The following CELF2 variants were observed in gnomAD, a reference collection of about 807,000 sequenced individuals.
CELF2 encodes the protein CUGBP Elav-like family member 2, also known as CUG triplet repeat RNA-binding protein 2.
Under a neutral mutation model 62.6 loss-of-function variants are expected in CELF2, and 8 were observed. That is an observed-to-expected ratio of 0.13 (90% CI 0.07 to 0.23). The LOEUF is 0.23. Ranked by LOEUF, CELF2 falls within the 10% of genes least tolerant of loss-of-function variation. The pLI is 1.00. For missense variants in CELF2, 333 were observed against 671.0 expected (o/e 0.50, Z 5.56); for synonymous variants, 258 against 250.0 (o/e 1.03, Z -0.30).
chr10:10,505,814 A>G, the CELF2 span, among the ~76,000 whole-genome samples: 1 of 152,212 alleles, frequency 6.6e-6, no homozygotes, highest in Non-Finnish European at 1.5e-5. Context: ...GGTAGGGTAA[A>G]GAGAATAAAC....
At chr10:11,002,750 T>C (rs1253138114), upstream of CELF2, among the ~76,000 whole-genome samples, 2 of 152,170 alleles carry the variant, frequency 1.3e-5, no homozygotes, top group Non-Finnish European at 2.9e-5. This position sits in a 1 kb window ranked among gnomAD's most constrained non-coding sequence, Gnocchi z 4.4. Context: ...GAAAGGAATA[T>C]CTCAGTGTAG....
chr10:10,819,227 T>G (rs1403678158), intron 1 of CELF2, among the ~76,000 whole-genome samples: 1 of 152,146 alleles, frequency 6.6e-6, no homozygotes, highest in Non-Finnish European at 1.5e-5. Context: ...TTTAATGGGG[T>G]TTTAGTTACA....
At chr10:10,488,841 G>T in the CELF2 span, among the ~76,000 whole-genome samples, 1 of 151,984 alleles carries the variant, frequency 6.6e-6, no homozygotes, top group Non-Finnish European at 1.5e-5. Context: ...TTCAAGGTTT[G>T]AAAAACCGTA....
At chr10:10,621,625 G>C in the CELF2 span, among the ~76,000 whole-genome samples, 2 of 152,180 alleles carry the variant, frequency 1.3e-5, no homozygotes, top group Admixed American at 1.3e-4. Context: ...AGACATTCAG[G>C]AAACAGGAAT....
At chr10:10,666,177 C>A in the CELF2 span, among the ~76,000 whole-genome samples, 4 of 152,294 alleles carry the variant, frequency 2.6e-5, no homozygotes, top group East Asian at 7.7e-4. Context: ...ATTCATTGCT[C>A]CCCATAATTT....
chr10:11,128,470 T>C (rs1564854434), intron 1 of CELF2, among the ~76,000 whole-genome samples: 1 of 152,236 alleles, frequency 6.6e-6, no homozygotes, highest in African/African-American at 2.4e-5. Context: ...CCTTGGGCAG[T>C]ATGGCCATTT....
intron 1 of CELF2, among the ~76,000 whole-genome samples, chr10:11,135,852 G>A (rs1356798567): frequency 6.6e-6 from 1 of 152,180 alleles, no homozygotes; most frequent in East Asian, 1.9e-4. Context: ...TATGGCCTGG[G>A]CGGTGGTGGG....
intron 2 of CELF2, among the ~76,000 whole-genome samples, chr10:10,973,042 C>A (rs2050920636): frequency 6.6e-6 from 1 of 152,180 alleles, no homozygotes; most frequent in Admixed American, 6.5e-5. Flanking sequence ...GTAATCTCAG[C>A]ACTTTGGGAG....
chr10:11,314,592 T>TA lies in CELF2; in HGVS notation c.1096+335dup, dbSNP rs1333074985. 13 of 371,564 alleles carry TA rather than the reference T, an allele frequency of 3.5e-5. No individual in the cohort carries two copies. The Admixed American group carries it at 4.2e-4, about 12-fold the overall frequency. 23.0% of individuals were successfully genotyped at this position (371,564 alleles called of 1,614,324 possible). A position where few individuals can be genotyped will look rare whatever the true frequency, so the allele number is the denominator to read the frequency against. On this transcript the variant is annotated intron_variant, in intron 10 of 12. Coordinates refer to ENST00000633077, the MANE Select transcript of CELF2 (RefSeq NM_001326342.2). This position sits in a 1 kb window ranked among gnomAD's most constrained non-coding sequence, Gnocchi z 5.3. ...GGTTCTGTCCTGCGAGGCAGGGTGT[T>TA]ACGGTGGGAAAAGTTAATGGACTGG...
At chr10:10,919,970 G>T (rs190253214) in exon 2 of CELF2, 202 of 1,231,342 alleles carry the variant, frequency 1.6e-4, no homozygotes, top group Non-Finnish European at 1.9e-4. Flanking sequence ...GCAGAGAGAC[G>T]GCCACAGAGT....
intron 2 of CELF2, among the ~76,000 whole-genome samples, chr10:11,209,567 CTTT>C (rs113589265): frequency 2.2e-5 from 3 of 135,018 alleles, no homozygotes; most frequent in African/African-American, 8.2e-5. Context: ...AAGGACTACT[CTTT>C]TTTTTTTTTT....
At chr10:10,668,948 A>G in the CELF2 span, among the ~76,000 whole-genome samples, 37 of 151,334 alleles carry the variant, frequency 2.4e-4, no homozygotes, top group East Asian at 7.3e-3. Context: ...ACAGAGTGAG[A>G]CCCTGACAAA....
At chr10:10,621,243 CAAAA>C in the CELF2 span, among the ~76,000 whole-genome samples, 1 of 45,348 alleles carries the variant, frequency 2.2e-5, no homozygotes, top group Non-Finnish European at 4.9e-5. Context: ...GACTCTGACT[CAAAA>C]AAAAAAAAAA....
chr10:10,786,664 A>C, the CELF2 span: 1 of 152,220 alleles, frequency 6.6e-6, no homozygotes, highest in East Asian at 1.9e-4. Context: ...AGGAGGTCAC[A>C]GGGAAGTAGA....
chr10:11,040,533 C>T (rs949154981), intron 1 of CELF2, among the ~76,000 whole-genome samples: 4 of 152,134 alleles, frequency 2.6e-5, no homozygotes, highest in African/African-American at 9.7e-5. Context: ...GACGCACTTC[C>T]AAGCAGTTCC....
At chr10:10,813,772 G>A (rs1369252757) in intron 1 of CELF2, among the ~76,000 whole-genome samples, 1 of 152,210 alleles carries the variant, frequency 6.6e-6, no homozygotes, top group African/African-American at 2.4e-5. Flanking sequence ...TACAAAAACA[G>A]GTGTTGGGCT....
chr10:10,529,290 C>A, the CELF2 span, among the ~76,000 whole-genome samples: 1 of 152,108 alleles, frequency 6.6e-6, no homozygotes, highest in African/African-American at 2.4e-5. Flanking sequence ...AGCTGTCATG[C>A]AGCAGGAAGG....
chr10:10,611,244 C>T, the CELF2 span, among the ~76,000 whole-genome samples: 430 of 152,230 alleles, frequency 2.8e-3, 3 homozygotes, highest in African/African-American at 9.9e-3. Flanking sequence ...AGCAGGTAAG[C>T]TCCTCTAAGA....
chr10:10,969,903 T>C (rs577521240), intron 2 of CELF2, among the ~76,000 whole-genome samples: 2 of 152,304 alleles, frequency 1.3e-5, no homozygotes, highest in South Asian at 2.1e-4. Flanking sequence ...TACTACCTAA[T>C]ACTTGTTGTT....
Sources: allele counts gnomAD v4.1 joint callset (sites outside exome capture counted in the v4.1 genomes callset), GRCh38; gene constraint gnomAD v4.1.1; non-coding constraint Gnocchi (gnomAD v3.1); transcripts MANE v1.5; gene names NCBI Gene and HGNC (gene_info 2026-07-23, HGNC 2026-07-21).